The following MSI2 variants were observed in gnomAD, a reference collection of about 807,000 sequenced individuals.
The protein encoded by MSI2 is musashi RNA binding protein 2, also known as RNA-binding protein Musashi homolog 2.
A neutral mutation model predicts 45.6 loss-of-function variants in MSI2; 17 were observed. That is an observed-to-expected ratio of 0.37 (90% CI 0.26 to 0.56). The LOEUF is 0.56. Ranked by LOEUF, MSI2 falls within the 20% of genes least tolerant of loss-of-function variation. MSI2 has a pLI of 0.77. For missense variants in MSI2, 293 were observed against 444.2 expected (o/e 0.66, Z 3.06); for synonymous variants, 156 against 158.2 (o/e 0.99, Z 0.11).
At position 57,433,870 on chromosome 17, in the gene MSI2, T is replaced by C. The variant is rs537456683; in HGVS notation, c.405+32399T>C. ...CTGTTCCTAACCAGTGTTTTTTGTA[T>C]GATGTGAATATTTTAAATTTTAATT... On this transcript the variant is annotated intron_variant, in intron 6 of 13. Coordinates refer to ENST00000284073, the MANE Select transcript of MSI2 (RefSeq NM_138962.4). Among the ~76,000 whole-genome samples, 5 of 152,370 alleles carry C rather than the reference T, an allele frequency of 3.3e-5. No homozygotes were observed. In the East Asian group the frequency reaches 7.7e-4, roughly 23 times the overall value.
intron 6 of MSI2, among the ~76,000 whole-genome samples, chr17:57,460,282 C>G (rs1248399558): frequency 6.6e-6 from 1 of 151,918 alleles, no homozygotes; most frequent in Non-Finnish European, 1.5e-5. Flanking sequence ...TGTGGTTGCA[C>G]CATTGCACTC....
chr17:57,675,237 G>T, intron 12 of MSI2, 111 bp downstream of exon 12: 1 of 1,105,306 alleles, frequency 9.0e-7, no homozygotes, highest in East Asian at 2.4e-5. Context: ...GAGGACAGAG[G>T]GTCCCCATCA....
intron 5 of MSI2, among the ~76,000 whole-genome samples, chr17:57,325,616 T>G (rs1468012020): frequency 6.6e-6 from 1 of 152,194 alleles, no homozygotes; most frequent in Non-Finnish European, 1.5e-5. Context: ...GCAGCGGCTA[T>G]TCCTCTTTTT....
intron 5 of MSI2, among the ~76,000 whole-genome samples, chr17:57,320,348 GGA>G (rs1913233014): frequency 6.6e-6 from 1 of 152,128 alleles, no homozygotes; most frequent in African/African-American, 2.4e-5. Flanking sequence ...TGGGGAGGGA[GGA>G]GAGTTATTTT....
intron 7 of MSI2, among the ~76,000 whole-genome samples, chr17:57,536,464 T>C (rs556685004): frequency 1.3e-5 from 2 of 152,338 alleles, no homozygotes; most frequent in African/African-American, 4.8e-5. Context: ...CTGCAAAAGA[T>C]TGGCTCCCAC....
At chr17:57,285,755 A>G in intron 5 of MSI2, 1 of 1,100,742 alleles carries the variant, frequency 9.1e-7, no homozygotes, top group South Asian at 2.0e-5. Flanking sequence ...TGTACATGGA[A>G]CTCTATTTTC....
rs551622523 is a variant in MSI2, at chr17:57,650,238, C to G, written c.728-1861C>G. ...CTCTTTCCCCCTCCCCCAAGTCTTT[C>G]CGTGCTTCCAAGGAAACCCGCTGTT... On this transcript the variant is annotated intron_variant, in intron 10 of 13. Transcript: ENST00000284073. 3.3e-5 allele frequency among the ~76,000 whole-genome samples: 5 copies of G among 152,092 alleles called. No homozygotes were observed. The South Asian group carries it at 8.3e-4, about 25-fold the overall frequency.
intron 7 of MSI2, among the ~76,000 whole-genome samples, chr17:57,592,538 G>A (rs1395895143): frequency 6.6e-6 from 1 of 152,226 alleles, no homozygotes; most frequent in Non-Finnish European, 1.5e-5. Context: ...GGGCCAAACA[G>A]ACAGAGATGT....
intron 7 of MSI2, among the ~76,000 whole-genome samples, chr17:57,585,002 G>A (rs2088307385): frequency 6.6e-6 from 1 of 152,018 alleles, no homozygotes; most frequent in South Asian, 2.1e-4. Flanking sequence ...ATTTTTAGTA[G>A]AGACGGGGTT....
intron 5 of MSI2, among the ~76,000 whole-genome samples, chr17:57,328,331 A>C (rs1168841023): frequency 6.8e-6 from 1 of 147,852 alleles, no homozygotes; most frequent in Admixed American, 6.7e-5. Flanking sequence ...CCATCCATCC[A>C]TGCATCCATC....
intron 7 of MSI2, among the ~76,000 whole-genome samples, chr17:57,548,867 C>T (rs774149894): frequency 4.0e-5 from 6 of 151,780 alleles, no homozygotes; most frequent in Admixed American, 2.0e-4. Flanking sequence ...TTCACCTCTT[C>T]ACCCCTTACT....
chr17:57,693,387 G>A, the MSI2 span, among the ~76,000 whole-genome samples: 1 of 146,488 alleles, frequency 6.8e-6, no homozygotes, highest in Non-Finnish European at 1.5e-5. Context: ...TCACCATGTT[G>A]GCCAGGCTGG....
At chr17:57,474,313 C>T (rs1422110220) in intron 6 of MSI2, among the ~76,000 whole-genome samples, 1 of 152,112 alleles carries the variant, frequency 6.6e-6, no homozygotes, top group Admixed American at 6.5e-5. Context: ...AAGCTGAGTC[C>T]CGGTGAAGTC....
chr17:57,449,462 A>G (rs2084956054), intron 6 of MSI2: 1 of 152,198 alleles, frequency 6.6e-6, no homozygotes, highest in South Asian at 2.1e-4. Context: ...ATGCAGATAT[A>G]TTTAATAAAG....
At chr17:57,437,350 G>C (rs1182013635) in intron 6 of MSI2, among the ~76,000 whole-genome samples, 4 of 152,208 alleles carry the variant, frequency 2.6e-5, no homozygotes, top group Non-Finnish European at 1.5e-5. Context: ...TCAGAAAGAT[G>C]ACTCAATGAG....
intron 6 of MSI2, among the ~76,000 whole-genome samples, chr17:57,493,163 AC>A (rs1567856801): frequency 1.3e-5 from 2 of 152,188 alleles, no homozygotes; most frequent in Non-Finnish European, 2.9e-5. Context: ...ACAGGTGGGC[AC>A]CTTGGAGACG....
chr17:57,602,627 T>A (rs1006574256), intron 8 of MSI2, among the ~76,000 whole-genome samples: 9 of 152,078 alleles, frequency 5.9e-5, no homozygotes, highest in Non-Finnish European at 2.9e-5. Context: ...AGTGCTGGGA[T>A]TACAGGCATC....
intron 5 of MSI2, among the ~76,000 whole-genome samples, chr17:57,295,968 G>T (rs999274961): frequency 3.8e-5 from 4 of 104,164 alleles, no homozygotes; most frequent in Non-Finnish European, 7.4e-5. Flanking sequence ...TACAAAGTTT[G>T]AGTTACCAGT....
rs1022861267 is a variant in MSI2, at chr17:57,579,220, C to G, written c.455-17648C>G. On this transcript the variant is annotated intron_variant, in intron 7 of 13. Transcript: ENST00000284073. ...ATGACAGCTGAGGTTCCTTAAGGCC[C>G]CAGACACAAATAAATTGAAGTTACT... Among the ~76,000 whole-genome samples, 5 of 152,040 alleles carry G rather than the reference C, an allele frequency of 3.3e-5. No homozygotes were observed. The East Asian group carries it at 7.7e-4, about 23-fold the overall frequency.
Sources: allele counts gnomAD v4.1 joint callset (sites outside exome capture counted in the v4.1 genomes callset), GRCh38; gene constraint gnomAD v4.1.1; transcripts MANE v1.5; gene names NCBI Gene and HGNC (gene_info 2026-07-23, HGNC 2026-07-21).